CARS1: variants seen among roughly 807,000 people sequenced by gnomAD.
The protein encoded by CARS1 is cysteine--tRNA ligase, cytoplasmic.
A neutral mutation model predicts 106.2 loss-of-function variants in CARS1; 48 were observed. The ratio of observed to expected loss-of-function variants is 0.45; its 90% CI spans 0.36 to 0.57. The LOEUF (loss-of-function observed/expected upper bound fraction) is 0.57. CARS1 is among the 20% of genes least tolerant of loss of function. CARS1 has a pLI of 0.00. For synonymous variants in CARS1, 409 were observed against 403.4 expected (o/e 1.01, Z -0.17); for missense variants, 968 against 1,057.2 (o/e 0.92, Z 1.17).
chr11:3,042,220 G>A lies in CARS1; in HGVS notation c.311C>T (p.Pro104Leu). The part of the protein sequence containing the change: ...GRRVQPQWSP[P>L]AGTQPCRLHL... Reference sequence around the variant, plus strand: ...GAGTCTGCATGGCTGGGTCCCAGCAGGAGGGGACCACTGGGGCTGCACACG... The same window carrying A: ...GAGTCTGCATGGCTGGGTCCCAGCAAGAGGGGACCACTGGGGCTGCACACG... The change falls in exon 3 of 23, where the codon CCT (proline) becomes CTT (leucine). Residue 104 changes from proline (P) to leucine (L), a missense_variant. Pro to Leu is a moderately conservative substitution (Grantham distance 98). Transcript: ENST00000380525. 6.2e-7 allele frequency: 1 copy of A among 1,613,622 alleles called. No individual in the cohort carries two copies. Among genetic ancestry groups the A allele is most frequent in the Non-Finnish European group, 8.5e-7 (1 of 1,179,990 alleles).
rs1854012531 is a variant in CARS1, at chr11:3,038,693, T to C, written c.652-494A>G. 6.6e-6 allele frequency among the ~76,000 whole-genome samples: 1 copy of C among 152,224 alleles called. No individual in the cohort carries two copies. Among genetic ancestry groups the C allele is most frequent in the Non-Finnish European group, 1.5e-5 (1 of 68,052 alleles). ...TAAGGATAATTAGTAGAGAGTAAAA[T>C]GACCTATTCTTACTATTGTAATAAA... On this transcript the variant is annotated intron_variant, in intron 6 of 22. Transcript: ENST00000380525. This position sits in a 1 kb window ranked among gnomAD's most constrained non-coding sequence, Gnocchi z 4.0.
At position 3,026,708 on chromosome 11, in the gene CARS1, A is replaced by G. The variant is rs1238670343; in HGVS notation, c.1121T>C (p.Val374Ala). Residue 374 changes from valine (V) to alanine (A), a missense_variant, in exon 10 of 23, where the codon GTT (valine) becomes GCT (alanine). Val to Ala is a moderately conservative substitution (Grantham distance 64). Coordinates refer to ENST00000380525, the MANE Select transcript of CARS1 (RefSeq NM_001014437.3). Reference sequence around the variant, plus strand: ...TTCTTGAAGGGCTTTCTGATCTCCAACGGCCTCAGGCACCAGCTTCCCATA... The same window carrying G: ...TTCTTGAAGGGCTTTCTGATCTCCAGCGGCCTCAGGCACCAGCTTCCCATA... ...HSYGKLVPEA[V>A]GDQKALQEGE... 1.9e-6 allele frequency: 3 copies of G among 1,613,900 alleles called. No individual in the cohort carries two copies. The highest frequency in any genetic ancestry group is 2.2e-5 in the East Asian group (1 of 44,888).
In CARS1 at chr11:3,017,867, G is replaced by A. The variant is rs1851200520; in HGVS notation, c.1717C>T (p.Leu573=). ...ATGGCACCACCTTACTTCTTATTCA[G>A]TTCTGCTTCTTCTTCTCCCCACTTC... ...FEKWGEEEAE[L]NKNFYDKKTA... Residue 573 remains leucine (L), a synonymous_variant, in exon 15 of 23, where the codon CTG becomes TTG. Transcript: ENST00000380525. This position sits in a 1 kb window ranked among gnomAD's most constrained non-coding sequence, Gnocchi z 4.9. The A allele has an allele frequency of 6.2e-7, 1 of 1,610,176 alleles. No homozygotes were observed. The highest frequency in any genetic ancestry group is 1.3e-5 in the African/African-American group (1 of 74,852).
At chr11:3,002,362 G>A (rs1018580476) in intron 21 of CARS1, 179 bp downstream of exon 21, 14 of 1,201,976 alleles carry the variant, frequency 1.2e-5, no homozygotes, top group Non-Finnish European at 1.5e-5. Flanking sequence ...GGCCTTCCCT[G>A]CACCCCATGT....
rs1012862151 is a variant in CARS1 at position 3,045,516 on chromosome 11, G to A, written c.274+2237C>T. 6.6e-6 allele frequency among the ~76,000 whole-genome samples: 1 copy of A among 152,166 alleles called. No homozygotes were observed. The highest frequency in any genetic ancestry group is 2.4e-5 in the African/African-American group (1 of 41,436). ...CCTGACCTCGTGATCCGCCCGCCTT[G>A]GCCTCCCAAAGTGCTGGGATTACAG... is the stretch of plus-strand genomic sequence containing the variant. On this transcript the variant is annotated intron_variant, in intron 2 of 22. Transcript: ENST00000380525. The surrounding 1 kb of genome is among the most constrained non-coding windows in gnomAD (Gnocchi z 5.6).
intron 17 of CARS1, among the ~76,000 whole-genome samples, chr11:3,014,505 C>T (rs1416078689): frequency 1.3e-5 from 2 of 152,242 alleles, no homozygotes; most frequent in African/African-American, 4.8e-5. Flanking sequence ...GAAGGCACCC[C>T]CACAACCACA....
Position 3,029,458 on chromosome 11 carries a change from AC to A in CARS1, c.802-16del, listed in dbSNP as rs1158305396. On this transcript the variant is annotated splice_polypyrimidine_tract_variant and intron_variant, in intron 7 of 22. Coordinates refer to ENST00000380525, the MANE Select transcript of CARS1 (RefSeq NM_001014437.3). This position sits in a 1 kb window ranked among gnomAD's most constrained non-coding sequence, Gnocchi z 5.9. ...TCCAGCAACACCTGAAGAGAAAGAA[AC>A]AAAAATCCAGCAGCGGGCCACACAC... 6.2e-7 allele frequency: 1 copy of A among 1,612,402 alleles called. No homozygotes were observed. The highest frequency in any genetic ancestry group is 8.5e-7 in the Non-Finnish European group (1 of 1,179,542).
At position 3,029,793 on chromosome 11, in the gene CARS1, C is replaced by A; in HGVS notation, c.802-350G>T. ...TATGGGCAGAGGCTGGGCAGGAGCA[C>A]ACAGTGTGTCACCTACAGCACAACC... On this transcript the variant is annotated intron_variant, in intron 7 of 22. Coordinates refer to ENST00000380525, the MANE Select transcript of CARS1 (RefSeq NM_001014437.3). The surrounding 1 kb of genome is among the most constrained non-coding windows in gnomAD (Gnocchi z 5.9). 1 of 282,988 alleles carries A rather than the reference C, an allele frequency of 3.5e-6. No homozygotes were observed. Among genetic ancestry groups the A allele is most frequent in the Non-Finnish European group, 6.7e-6 (1 of 149,916 alleles). 17.5% of individuals were successfully genotyped at this position (282,988 alleles called of 1,614,324 possible).
chr11:3,007,029 A>C, intron 18 of CARS1, 70 bp from the exon 19 acceptor site: 1 of 1,232,150 alleles, frequency 8.1e-7, no homozygotes. Flanking sequence ...TGCCTCCTCC[A>C]GTGCTGGGGA....
chr11:3,018,760 A>G lies in CARS1; in HGVS notation c.1396-11T>C, dbSNP rs754684108. The G allele has an allele frequency of 1.2e-6, 2 of 1,612,396 alleles. No individual in the cohort carries two copies. The highest frequency in any genetic ancestry group is 1.7e-6 in the Non-Finnish European group (2 of 1,179,040). The stretch of plus-strand genomic sequence containing the variant: ...GTTTTCAAAGTAGGCCTGCGTGGAA[A>G]GAGACAAAGGATGTCAACAGTCATG... On this transcript the variant is annotated splice_polypyrimidine_tract_variant and intron_variant, in intron 12 of 22. Transcript: ENST00000380525.
In CARS1 at chr11:3,034,209, C is replaced by T. The variant is rs1011326900; in HGVS notation, c.801+3841G>A. On this transcript the variant is annotated intron_variant, in intron 7 of 22. Coordinates refer to ENST00000380525, the MANE Select transcript of CARS1 (RefSeq NM_001014437.3). This position sits in a 1 kb window ranked among gnomAD's most constrained non-coding sequence, Gnocchi z 6.3. ...GTTTGTTTGTTCTTTTTTTTGTTTT[C>T]TGTTTTTTGTTTTGTTTTGTTTTGT... 4.1e-5 allele frequency among the ~76,000 whole-genome samples: 6 copies of T among 146,888 alleles called. No individual in the cohort carries two copies. Among genetic ancestry groups the T allele is most frequent in the African/African-American group, 1.5e-4 (6 of 41,176 alleles).
At chr11:3,026,818 T>G (rs779693338) in intron 9 of CARS1, 21 bp from the exon 10 acceptor site, 51 of 1,604,332 alleles carry the variant, frequency 3.2e-5, no homozygotes, top group Non-Finnish European at 4.3e-5. Flanking sequence ...GAAAAGGAAT[T>G]GGGTGGGTGC....
chr11:3,043,712 C>T lies in CARS1; in HGVS notation c.275-1456G>A, dbSNP rs1434363947. 6.6e-6 allele frequency among the ~76,000 whole-genome samples: 1 copy of T among 152,098 alleles called. No individual in the cohort carries two copies. Among genetic ancestry groups the T allele is most frequent in the Non-Finnish European group, 1.5e-5 (1 of 68,014 alleles). On this transcript the variant is annotated intron_variant, in intron 2 of 22. Coordinates refer to ENST00000380525, the MANE Select transcript of CARS1 (RefSeq NM_001014437.3). This position sits in a 1 kb window ranked among gnomAD's most constrained non-coding sequence, Gnocchi z 4.0. ...CGGGGAAGTTGGTCCTGGGCACCAG[C>T]CATCTCTTGGCCTCCCGGCTCTAGC...
rs1379921029 is a variant in CARS1, at chr11:3,047,287, A to AG, written c.274+465_274+466insC. Among the ~76,000 whole-genome samples, 3 of 152,104 alleles carry AG rather than the reference A, an allele frequency of 2.0e-5. No individual in the cohort carries two copies. In the East Asian group the frequency reaches 5.8e-4, roughly 29 times the overall value. ...GCGAGACTCCATCTCAAAAAAAAAA[A>AG]AAAAAAAAAGTTCAATGCCAATTAA... On this transcript the variant is annotated intron_variant, in intron 2 of 22. Coordinates refer to ENST00000380525, the MANE Select transcript of CARS1 (RefSeq NM_001014437.3).
At chr11:3,006,339 G>A (rs1216089021) in intron 19 of CARS1, among the ~76,000 whole-genome samples, 6 of 152,112 alleles carry the variant, frequency 3.9e-5, no homozygotes, top group African/African-American at 9.7e-5. Flanking sequence ...CCAGCTACTC[G>A]GGAGGCTGAG....
Position 3,039,495 on chromosome 11 carries a change from A to G in CARS1, c.553-203T>C, listed in dbSNP as rs451041. 0.51 allele frequency among the ~76,000 whole-genome samples: 77,467 copies of G among 151,954 alleles called. 20,028 individuals carry two copies. Among genetic ancestry groups the G allele is most frequent in the East Asian group, 0.68 (3,478 of 5,150 alleles). ...TGCCAAGTAGTGCCCAAGGCCTAAC[A>G]TGATCTTTCTGACGCTTAATGAAAT... On this transcript the variant is annotated intron_variant, in intron 5 of 22. Transcript: ENST00000380525. The surrounding 1 kb of genome is among the most constrained non-coding windows in gnomAD (Gnocchi z 5.6).
Position 3,044,091 on chromosome 11 carries a change from C to T in CARS1, c.275-1835G>A, listed in dbSNP as rs1272450060. 6.6e-6 allele frequency among the ~76,000 whole-genome samples: 1 copy of T among 152,206 alleles called. No individual in the cohort carries two copies. The highest frequency in any genetic ancestry group is 2.4e-5 in the African/African-American group (1 of 41,458). On this transcript the variant is annotated intron_variant, in intron 2 of 22. Transcript: ENST00000380525. The surrounding 1 kb of genome is among the most constrained non-coding windows in gnomAD (Gnocchi z 4.4). ...AACCGGCCACTCTAGGATCCCATCA[C>T]TCTCCTCCCTCACAAAGACCCTGGA... is the stretch of plus-strand genomic sequence containing the variant.
chr11:3,028,394 C>A lies in CARS1; in HGVS notation c.1031+602G>T, dbSNP rs1565066489. The A allele has an allele frequency of 2.8e-6, 1 of 361,356 alleles. No individual in the cohort carries two copies. The highest frequency in any genetic ancestry group is 6.5e-5 in the East Asian group (1 of 15,474). 22.4% of individuals were successfully genotyped at this position (361,356 alleles called of 1,614,324 possible). A position where few individuals can be genotyped will look rare whatever the true frequency, so the allele number is the denominator to read the frequency against. ...TGTCTTGTGTCTTTATTTCTACAAT[C>A]TCTCATCTCCACACATGGGGAGAAA... On this transcript the variant is annotated intron_variant, in intron 9 of 22. Coordinates refer to ENST00000380525, the MANE Select transcript of CARS1 (RefSeq NM_001014437.3). The surrounding 1 kb of genome is among the most constrained non-coding windows in gnomAD (Gnocchi z 4.4).
Position 3,037,134 on chromosome 11 carries a change from T to C in CARS1, c.801+916A>G, listed in dbSNP as rs368586378. ...AACAGCTCGGCTCCCAGGCAGGCACTGAGGCAGTGACAGTGACCACATGTG... is the reference window on the plus strand; with the variant it reads ...AACAGCTCGGCTCCCAGGCAGGCACCGAGGCAGTGACAGTGACCACATGTG... On this transcript the variant is annotated intron_variant, in intron 7 of 22. Coordinates refer to ENST00000380525, the MANE Select transcript of CARS1 (RefSeq NM_001014437.3). This position sits in a 1 kb window ranked among gnomAD's most constrained non-coding sequence, Gnocchi z 5.9. 1.3e-3 allele frequency among the ~76,000 whole-genome samples: 195 copies of C among 152,312 alleles called. No homozygotes were observed. The highest frequency in any genetic ancestry group is 4.6e-3 in the African/African-American group (191 of 41,570).
Sources: gnomAD v4.1 joint callset for allele counts (sites outside exome capture counted in the v4.1 genomes callset) on GRCh38, gnomAD v4.1.1 for gene constraint, Gnocchi (gnomAD v3.1) non-coding constraint, MANE v1.5 for transcripts, NCBI Gene and HGNC (gene_info 2026-07-23, HGNC 2026-07-21) for gene names.